The following AQR variants were observed in gnomAD, a reference collection of about 807,000 sequenced individuals.
The protein encoded by AQR is aquarius intron-binding spliceosomal factor.
A neutral mutation model predicts 180.5 loss-of-function variants in AQR; 61 were observed. That is an observed-to-expected ratio of 0.34 (90% CI 0.28 to 0.42). AQR has a LOEUF of 0.42. Ranked by LOEUF, AQR falls within the 10% of genes least tolerant of loss-of-function variation. The pLI, the probability that AQR is intolerant of heterozygous loss-of-function variation, is 1.00. For missense variants in AQR, 1,281 were observed against 1,798.3 expected, an observed-to-expected ratio of 0.71 and a Z score of 5.20; for synonymous variants, 551 against 588.8, an observed-to-expected ratio of 0.94 and a Z score of 0.93.
At chr15:34,866,081 G>T (rs17818182) in intron 32 of AQR, among the ~76,000 whole-genome samples, 11,850 of 152,116 alleles carry the variant, frequency 0.078, 519 homozygotes, top group Middle Eastern at 0.12. Context: ...TCAAAAAAAT[G>T]AAATATGGCA....
chr15:34,890,057 T>G (rs1462699687), intron 24 of AQR, among the ~76,000 whole-genome samples, 158 bp downstream of exon 24: 1 of 152,244 alleles, frequency 6.6e-6, no homozygotes, highest in Non-Finnish European at 1.5e-5. Context: ...AGGGACATCA[T>G]GACCATATTT....
At position 34,856,338 on chromosome 15, in the gene AQR, C is replaced by T; in HGVS notation, c.*454G>A. On this transcript the variant is annotated 3_prime_UTR_variant, in exon 35 of 35. Coordinates refer to ENST00000156471, the MANE Select transcript of AQR (RefSeq NM_014691.3). ...TGCTAATAATATCTTTACATAAAGA[C>T]AGCAAACAAAGGTAAGAAAAAAGGA... 2.6e-6 allele frequency: 1 copy of T among 389,302 alleles called. No homozygotes were observed. 24.1% of individuals were successfully genotyped at this position (389,302 alleles called of 1,614,324 possible).
rs137989402 is a variant in AQR, at chr15:34,956,644, A to G, written c.174-3724T>C. 3.2e-4 allele frequency among the ~76,000 whole-genome samples: 46 copies of G among 145,818 alleles called. No homozygotes were observed. In the East Asian group the frequency reaches 9.3e-3, roughly 29 times the overall value. ...TCCAGCCTGGGGCAATAAGGGTGAA[A>G]CTCCATCTCAAAAAAATAAAAGAAC... On this transcript the variant is annotated intron_variant, in intron 3 of 34. Coordinates refer to ENST00000156471, the MANE Select transcript of AQR (RefSeq NM_014691.3).
chr15:34,939,868 T>C (rs1233711917), intron 8 of AQR, among the ~76,000 whole-genome samples: 2 of 152,222 alleles, frequency 1.3e-5, no homozygotes, highest in Non-Finnish European at 2.9e-5. Flanking sequence ...GGTACTACTG[T>C]CCAGATTTCA....
chr15:34,893,600 CAT>C (rs1473440229), intron 23 of AQR, 61 bp downstream of exon 23: 41 of 1,338,710 alleles, frequency 3.1e-5, no homozygotes, highest in South Asian at 1.6e-4. Flanking sequence ...TGTGCATGCG[CAT>C]GCGTGCACAC....
rs1421124756 is a variant in AQR at position 34,856,566 on chromosome 15, A to G, written c.*226T>C. The G allele has an allele frequency of 1.3e-5, 6 of 445,104 alleles. No individual in the cohort carries two copies. Among genetic ancestry groups the G allele is most frequent in the African/African-American group, 6.0e-5 (3 of 49,982 alleles). The allele number at this position is 445,104 out of a possible 1,614,324, so 27.6% of individuals were successfully genotyped here. ...TACAGACACACTCAGTGATCAAAAC[A>G]TGAAAGGAATGGTTATTTGCTCTTC... On this transcript the variant is annotated 3_prime_UTR_variant, in exon 35 of 35. Transcript: ENST00000156471.
intron 26 of AQR, among the ~76,000 whole-genome samples, 197 bp downstream of exon 26, chr15:34,884,328 C>T (rs992227835): frequency 5.3e-5 from 8 of 152,072 alleles, no homozygotes; most frequent in Non-Finnish European, 7.4e-5. Context: ...ATCGCCTGAA[C>T]CTGGGAGGTG....
chr15:34,905,628 G>C (rs1186523768), intron 18 of AQR, among the ~76,000 whole-genome samples: 1 of 150,364 alleles, frequency 6.7e-6, no homozygotes, highest in African/African-American at 2.5e-5. Context: ...TTCAAACGCA[G>C]GACAGTATTG....
chr15:34,957,501 G>C (rs558144272), intron 3 of AQR, among the ~76,000 whole-genome samples: 1 of 151,504 alleles, frequency 6.6e-6, no homozygotes, highest in South Asian at 2.1e-4. Flanking sequence ...GAGTTCGGGA[G>C]TGACAGCCTG....
intron 24 of AQR, among the ~76,000 whole-genome samples, chr15:34,889,431 G>GT: frequency 6.6e-6 from 1 of 152,210 alleles, no homozygotes; most frequent in Admixed American, 6.5e-5. Flanking sequence ...ATGTCCAGCT[G>GT]TTAATTGTGC....
Position 34,852,568 on chromosome 15 carries a change from T to TG in AQR, c.*4223_*4224insC, listed in dbSNP as rs538225552. The TG allele has an allele frequency of 6.6e-6, 1 of 151,166 alleles. No individual in the cohort carries two copies. Among genetic ancestry groups the TG allele is most frequent in the African/African-American group, 2.4e-5 (1 of 41,156 alleles). The allele number at this position is 151,166 out of a possible 1,614,324, so 9.4% of individuals were successfully genotyped here. A position where few individuals can be genotyped will look rare whatever the true frequency, so the allele number is the denominator to read the frequency against. On this transcript the variant is annotated 3_prime_UTR_variant, in exon 35 of 35. Transcript: ENST00000156471. ...CTAAGGAAATAGCTACCTATCTTATTAAAAAAAAACAAAAACAAAGTTTTA... is the reference window on the plus strand; with the variant it reads ...CTAAGGAAATAGCTACCTATCTTATTGAAAAAAAAACAAAAACAAAGTTTTA...
At chr15:34,941,965 C>A (rs375063974) in intron 7 of AQR, 47 bp downstream of exon 7, 4 of 1,437,232 alleles carry the variant, frequency 2.8e-6, no homozygotes, top group South Asian at 1.3e-5. Flanking sequence ...ACCACACGTT[C>A]TACTTATAAC....
chr15:34,947,808 T>A (rs1190670591), intron 5 of AQR, among the ~76,000 whole-genome samples: 1 of 152,002 alleles, frequency 6.6e-6, no homozygotes, highest in African/African-American at 2.4e-5. Context: ...CCTGGCTAAT[T>A]TTTTCTTTTT....
At position 34,856,556 on chromosome 15, in the gene AQR, T is replaced by A; in HGVS notation, c.*236A>T. On this transcript the variant is annotated 3_prime_UTR_variant, in exon 35 of 35. Transcript: ENST00000156471. ...TAGGTATGATTACAGACACACTCAG[T>A]GATCAAAACATGAAAGGAATGGTTA... 2 of 440,060 alleles carry A rather than the reference T, an allele frequency of 4.5e-6. No individual in the cohort carries two copies. The highest frequency in any genetic ancestry group is 8.0e-6 in the Non-Finnish European group (2 of 250,258). 27.3% of individuals were successfully genotyped at this position (440,060 alleles called of 1,614,324 possible).
Position 34,940,995 on chromosome 15 carries a change from C to A in AQR, c.545G>T (p.Arg182Leu). The A allele has an allele frequency of 1.3e-6, 2 of 1,599,098 alleles. No homozygotes were observed. Among genetic ancestry groups the A allele is most frequent in the Non-Finnish European group, 1.7e-6 (2 of 1,170,622 alleles). Reference sequence around the variant, plus strand: ...TGTCTTTTTTAATTCTAATTCCAATCGTGCCTGAAGAAGAGATGTGTTATT... The same window carrying A: ...TGTCTTTTTTAATTCTAATTCCAATAGTGCCTGAAGAAGAGATGTGTTATT... ...LPMWMGLQLARLELELKKTPK... is the reference protein window; with the variant it reads ...LPMWMGLQLALLELELKKTPK... Residue 182 changes from arginine to leucine, a missense_variant, in exon 8 of 35, where the codon CGA becomes CTA. Physicochemically the swap from Arg to Leu is moderately radical, Grantham distance 102. This residue lies in a region of AQR where 404 missense variants were observed against 490.9 expected (regional missense o/e 0.82). Transcript: ENST00000156471.
At chr15:34,962,246 C>T (rs1213979896) in intron 2 of AQR, among the ~76,000 whole-genome samples, 1 of 152,024 alleles carries the variant, frequency 6.6e-6, no homozygotes, top group African/African-American at 2.4e-5. Context: ...TGGTCTTGAA[C>T]TCCTGAAGTC....
At chr15:34,921,509 A>G (rs915604480) in intron 13 of AQR, among the ~76,000 whole-genome samples, 1 of 151,976 alleles carries the variant, frequency 6.6e-6, no homozygotes, top group Non-Finnish European at 1.5e-5. Flanking sequence ...TCAAATTTCA[A>G]ATTTTGAATG....
Position 34,904,395 on chromosome 15 carries a change from C to A in AQR, c.1942G>T (p.Asp648Tyr), listed in dbSNP as rs1283861524. ...MTNTIQNGAE[D>Y]VYETFNIIMR... The stretch of plus-strand genomic sequence containing the variant: ...ATTATATTAAAAGTTTCATACACAT[C>A]CTCTGCTCCATTTTGTATAGTATTG... Residue 648 changes from aspartate (D) to tyrosine (Y), a missense_variant, in exon 19 of 35, where the codon GAT becomes TAT. Coordinates refer to ENST00000156471, the MANE Select transcript of AQR (RefSeq NM_014691.3). 2.5e-6 allele frequency: 4 copies of A among 1,609,790 alleles called. No homozygotes were observed. The highest frequency in any genetic ancestry group is 3.4e-6 in the Non-Finnish European group (4 of 1,177,606).
chr15:34,953,714 G>A (rs1894266761), intron 3 of AQR, among the ~76,000 whole-genome samples: 1 of 152,168 alleles, frequency 6.6e-6, no homozygotes, highest in South Asian at 2.1e-4. Context: ...TCCAACTGCA[G>A]ACATTTCACT....
Sources: allele counts gnomAD v4.1 joint callset (sites outside exome capture counted in the v4.1 genomes callset), GRCh38; gene constraint gnomAD v4.1.1; regional missense constraint gnomAD v4.1.1; transcripts MANE v1.5; gene names NCBI Gene and HGNC (gene_info 2026-07-23, HGNC 2026-07-21).